CADM2: variants seen among roughly 807,000 people sequenced by gnomAD.
CADM2 encodes the protein cell adhesion molecule 2, also known as immunoglobulin superfamily member 4D.
Under a neutral mutation model 49.8 loss-of-function variants are expected in CADM2, and 12 were observed. The ratio of observed to expected loss-of-function variants is 0.24; its 90% CI spans 0.15 to 0.39. The LOEUF (loss-of-function observed/expected upper bound fraction) is 0.39, where lower values mean the gene tolerates loss of function less well. CADM2 is among the 10% of genes least tolerant of loss of function. CADM2 has a pLI of 1.00. For synonymous variants in CADM2, 214 were observed against 175.4 expected (o/e 1.22, Z -1.74); for missense variants, 378 against 492.3 (o/e 0.77, Z 2.20).
At chr3:85,247,914 A>AAT (rs140185151) in intron 1 of CADM2, among the ~76,000 whole-genome samples, 2,859 of 152,272 alleles carry the variant, frequency 0.019, 79 homozygotes, top group African/African-American at 0.065. Flanking sequence ...AAGATTGTTG[A>AAT]ATATATATGA....
intron 1 of CADM2, among the ~76,000 whole-genome samples, chr3:84,982,760 T>A (rs1469868237): frequency 6.8e-6 from 1 of 146,816 alleles, no homozygotes; most frequent in Non-Finnish European, 1.5e-5. Context: ...TTAATTTTTT[T>A]TTTGAGACTT....
At chr3:85,441,442 C>T (rs2037197522) in intron 1 of CADM2, among the ~76,000 whole-genome samples, 2 of 152,006 alleles carry the variant, frequency 1.3e-5, no homozygotes. Context: ...CCATGAAATG[C>T]TTCATATTTT....
chr3:85,064,917 C>T (rs577787234), intron 1 of CADM2, among the ~76,000 whole-genome samples: 206 of 152,226 alleles, frequency 1.4e-3, no homozygotes, highest in Non-Finnish European at 2.2e-3. Flanking sequence ...AGTTGCATGT[C>T]ACTAACTGGT....
chr3:85,492,479 C>G (rs933679534), intron 1 of CADM2, among the ~76,000 whole-genome samples: 1 of 151,966 alleles, frequency 6.6e-6, no homozygotes, highest in African/African-American at 2.4e-5. Context: ...GTAGTTCCAG[C>G]TACTCGGAAG....
chr3:84,959,544 G>C lies in CADM2; in HGVS notation c.-64G>C, dbSNP rs898317141. 4.8e-6 allele frequency: 7 copies of C among 1,465,208 alleles called. No homozygotes were observed. Among genetic ancestry groups the C allele is most frequent in the Non-Finnish European group, 5.5e-6 (6 of 1,082,242 alleles). 90.8% of individuals were successfully genotyped at this position (1,465,208 alleles called of 1,614,324 possible). On this transcript the variant is annotated 5_prime_UTR_variant, in exon 1 of 10. Transcript: ENST00000383699. ...GACACCAGCGGAGCCCTGCACTCTC[G>C]TGCCCCGCTCACCAGCATCTACTTG... is the stretch of plus-strand genomic sequence containing the variant.
intron 3 of CADM2, among the ~76,000 whole-genome samples, chr3:85,825,566 C>T (rs1559684536): frequency 6.6e-6 from 1 of 151,896 alleles, no homozygotes; most frequent in Non-Finnish European, 1.5e-5. Context: ...ATAGTGTAGC[C>T]CATATAGAGT....
chr3:85,870,253 T>A (rs1434027479), intron 3 of CADM2, among the ~76,000 whole-genome samples: 1 of 152,142 alleles, frequency 6.6e-6, no homozygotes, highest in Non-Finnish European at 1.5e-5. Flanking sequence ...GATGATTTTT[T>A]TTTTTTAACT....
At chr3:85,489,172 T>C (rs1187634667) in intron 1 of CADM2, among the ~76,000 whole-genome samples, 2 of 152,126 alleles carry the variant, frequency 1.3e-5, no homozygotes, top group East Asian at 3.9e-4. Flanking sequence ...TTACTTCAAA[T>C]CCTACATCAT....
At chr3:85,133,902 G>C (rs1421170381) in intron 1 of CADM2, among the ~76,000 whole-genome samples, 3 of 152,218 alleles carry the variant, frequency 2.0e-5, no homozygotes, top group Non-Finnish European at 4.4e-5. Context: ...TGGGCGCCGT[G>C]GAGCAGGGGG....
At chr3:85,065,006 A>C (rs2107456311) in intron 1 of CADM2, among the ~76,000 whole-genome samples, 1 of 152,256 alleles carries the variant, frequency 6.6e-6, no homozygotes, top group East Asian at 1.9e-4. Flanking sequence ...AGATTTGGAA[A>C]GTTATCTTTA....
intron 1 of CADM2, among the ~76,000 whole-genome samples, chr3:85,241,529 C>A (rs2042528618): frequency 6.6e-6 from 1 of 151,074 alleles, no homozygotes; most frequent in South Asian, 2.1e-4. Context: ...ATAATATCAA[C>A]CATTTAAATG....
chr3:85,172,992 A>C lies in CADM2; in HGVS notation c.61+213324A>C, dbSNP rs1203096100. 2.0e-5 allele frequency among the ~76,000 whole-genome samples: 3 copies of C among 147,070 alleles called. No individual in the cohort carries two copies. In the East Asian group the frequency reaches 5.9e-4, roughly 29 times the overall value. ...ATGTTTCCCAATTTCTGAAATATCT[A>C]ATACCTTTTTTTTTTTTTCTGAGAT... On this transcript the variant is annotated intron_variant, in intron 1 of 9. Coordinates refer to ENST00000383699, the MANE Select transcript of CADM2 (RefSeq NM_001167675.2).
In CADM2 at chr3:85,330,088, T is replaced by C. The variant is rs13324607; in HGVS notation, c.61+370420T>C. Among the ~76,000 whole-genome samples the C allele has an allele frequency of 3.9e-3, 589 of 152,276 alleles. 2 individuals are homozygous for C. Among genetic ancestry groups the C allele is most frequent in the African/African-American group, 0.013 (527 of 41,542 alleles). ...AGAAATAAAGCCATTCCTAGTGAAGTTCTATTTCAGGTTCACATAAAAGAA... is the reference window on the plus strand; with the variant it reads ...AGAAATAAAGCCATTCCTAGTGAAGCTCTATTTCAGGTTCACATAAAAGAA... On this transcript the variant is annotated intron_variant, in intron 1 of 9. Coordinates refer to ENST00000383699, the MANE Select transcript of CADM2 (RefSeq NM_001167675.2).
At chr3:85,615,199 C>T (rs1162259119) in intron 1 of CADM2, among the ~76,000 whole-genome samples, 8 of 147,838 alleles carry the variant, frequency 5.4e-5, no homozygotes, top group Non-Finnish European at 1.2e-4. Flanking sequence ...CTCTTAAGTA[C>T]TACAGAAAGA....
At chr3:85,990,010 G>C in intron 8 of CADM2, among the ~76,000 whole-genome samples, 3 of 16,024 alleles carry the variant, frequency 1.9e-4, no homozygotes, top group African/African-American at 2.3e-4. Flanking sequence ...GAAACTCCAT[G>C]TCCAAAAAAA....
rs1301104290 is a variant in CADM2 at position 85,345,327 on chromosome 3, A to AAAAG, written c.62-381192_62-381191insGAAA. Among the ~76,000 whole-genome samples, 10 of 150,358 alleles carry AAAAG rather than the reference A, an allele frequency of 6.7e-5. 1 individual carries two copies. In the East Asian group the frequency reaches 1.9e-3, roughly 29 times the overall value. On this transcript the variant is annotated intron_variant, in intron 1 of 9. Transcript: ENST00000383699. Reference sequence around the variant, plus strand: ...AGTCTCCATCTCAAAAAAAAAAAAAAAAAAAAAGAAAGAAAGAAAATGCCC... The same window carrying AAAAG: ...AGTCTCCATCTCAAAAAAAAAAAAAAAAAGAAAAAAAGAAAGAAAGAAAATGCCC...
intron 1 of CADM2, among the ~76,000 whole-genome samples, chr3:85,683,067 C>T (rs958071608): frequency 6.6e-6 from 1 of 151,880 alleles, no homozygotes; most frequent in Admixed American, 6.6e-5. Flanking sequence ...TCTGGTGTCA[C>T]TATGCAATGT....
chr3:85,862,624 C>A (rs1203231343), intron 3 of CADM2, among the ~76,000 whole-genome samples: 2 of 151,944 alleles, frequency 1.3e-5, no homozygotes, highest in Non-Finnish European at 2.9e-5. Context: ...CTGTTAATTG[C>A]CACATATAAA....
intron 1 of CADM2, among the ~76,000 whole-genome samples, chr3:85,005,074 G>A (rs1397388589): frequency 6.6e-6 from 1 of 152,096 alleles, no homozygotes; most frequent in African/African-American, 2.4e-5. Context: ...CCAATGAGTA[G>A]CTGGGCTACT....
Sources: allele counts gnomAD v4.1 joint callset (sites outside exome capture counted in the v4.1 genomes callset), GRCh38; gene constraint gnomAD v4.1.1; transcripts MANE v1.5; gene names NCBI Gene and HGNC (gene_info 2026-07-23, HGNC 2026-07-21).